Variants in CDH23 observed in about 807,000 individuals in gnomAD.
The protein encoded by CDH23 is cadherin related 23, also known as cadherin-23.
A neutral mutation model predicts 317.1 loss-of-function variants in CDH23; 189 were observed. That is an observed-to-expected ratio of 0.60 (90% CI 0.53 to 0.67). The LOEUF (loss-of-function observed/expected upper bound fraction) is 0.67, where lower values mean the gene tolerates loss of function less well. CDH23 is among the 30% of genes least tolerant of loss of function. The pLI, the probability that CDH23 is intolerant of heterozygous loss-of-function variation, is 0.00. For synonymous variants in CDH23, 1,839 were observed against 1,876.8 expected, an observed-to-expected ratio of 0.98 and a Z score of 0.52; for missense variants, 4,401 against 4,592.4, an observed-to-expected ratio of 0.96 and a Z score of 1.20.
chr10:71,525,811 GGCGTCCCTGCTTGGCTT>G (rs111409950), intron 6 of CDH23, among the ~76,000 whole-genome samples: 25,133 of 152,202 alleles, frequency 0.17, 2,364 homozygotes, highest in African/African-American at 0.25. Context: ...CAGAGAAAGA[GGCGTCCCTGCTTGGCTT>G]GCTACAGCAG....
In CDH23 at chr10:71,791,166, C is replaced by T. The variant is rs765521533; in HGVS notation, c.6084C>T (p.Asp2028=). The change falls in exon 47 of 70, where the codon GAC becomes GAT. Residue 2028 remains aspartate, a synonymous_variant. Coordinates refer to ENST00000224721, the MANE Select transcript of CDH23 (RefSeq NM_022124.6). ...VVTVRSGVII[D]REAFSPPILE... is the part of the protein sequence containing the mutation. Reference sequence around the variant, plus strand: ...CCGTGAGGTCAGGTGTCATCATTGACCGGGAGGCATTCTCGCCACCCATCC... The same window carrying T: ...CCGTGAGGTCAGGTGTCATCATTGATCGGGAGGCATTCTCGCCACCCATCC... The T allele has an allele frequency of 2.5e-6, 4 of 1,612,238 alleles. No individual in the cohort carries two copies. Among genetic ancestry groups the T allele is most frequent in the Non-Finnish European group, 3.4e-6 (4 of 1,179,316 alleles).
chr10:71,725,319 CAGG>C, intron 29 of CDH23, 50 bp from the exon 30 acceptor site: 6 of 1,612,540 alleles, frequency 3.7e-6, no homozygotes, highest in Non-Finnish European at 5.1e-6. Flanking sequence ...GCCAGCACAG[CAGG>C]AGACTTCTGG....
chr10:71,514,085 G>A (rs1434399190), intron 6 of CDH23, among the ~76,000 whole-genome samples: 5 of 152,034 alleles, frequency 3.3e-5, no homozygotes, highest in Non-Finnish European at 7.4e-5. Flanking sequence ...CTGCCTTGCT[G>A]AGAATGTGCT....
intron 20 of CDH23, among the ~76,000 whole-genome samples, chr10:71,691,767 G>A (rs1279538868): frequency 6.6e-6 from 1 of 152,188 alleles, no homozygotes; most frequent in Non-Finnish European, 1.5e-5. Context: ...GGTGGACACT[G>A]GCCATCCCTG....
intron 3 of CDH23, among the ~76,000 whole-genome samples, chr10:71,458,332 C>G (rs528245407): frequency 1.7e-4 from 26 of 152,368 alleles, no homozygotes; most frequent in African/African-American, 4.8e-4. Context: ...TTCCCTTCCT[C>G]CTTTCCACAT....
At chr10:71,653,803 G>A (rs894071168) in intron 14 of CDH23, among the ~76,000 whole-genome samples, 7 of 152,192 alleles carry the variant, frequency 4.6e-5, no homozygotes, top group Non-Finnish European at 8.8e-5. Flanking sequence ...GCTGTAGAGA[G>A]AATAATAATA....
intron 49 of CDH23, among the ~76,000 whole-genome samples, chr10:71,797,885 C>A (rs1841444990): frequency 6.6e-6 from 1 of 152,152 alleles, no homozygotes; most frequent in Non-Finnish European, 1.5e-5. Flanking sequence ...GTACAGACAG[C>A]TGCTATAGGG....
At chr10:71,418,397 T>C (rs1848619177) in intron 1 of CDH23, among the ~76,000 whole-genome samples, 1 of 152,178 alleles carries the variant, frequency 6.6e-6, no homozygotes, top group Non-Finnish European at 1.5e-5. Context: ...TAATGCTTCA[T>C]TTTCATCTAG....
At chr10:71,487,811 T>A (rs1044245232) in intron 3 of CDH23, among the ~76,000 whole-genome samples, 1 of 152,098 alleles carries the variant, frequency 6.6e-6, no homozygotes, top group Admixed American at 6.5e-5. Flanking sequence ...GGATAACCAG[T>A]CATCATCCTC....
At chr10:71,697,563 C>T (rs534341165) in intron 22 of CDH23, among the ~76,000 whole-genome samples, 1 of 152,088 alleles carries the variant, frequency 6.6e-6, no homozygotes, top group East Asian at 1.9e-4. Context: ...GTCCCAGATA[C>T]TCAGGAGGCT....
Position 71,700,815 on chromosome 10 carries a change from A to G in CDH23, c.2398-1207A>G, listed in dbSNP as rs114835060. ...CCCCAGGACCCATGGACAGGGGCAG[A>G]TGGGAGTTCTCAGCCAGGGCAGCTC... On this transcript the variant is annotated intron_variant, in intron 22 of 69. Transcript: ENST00000224721. Among the ~76,000 whole-genome samples the G allele has an allele frequency of 5.8e-3, 881 of 152,246 alleles. 11 individuals are homozygous for G. Among genetic ancestry groups the G allele is most frequent in the African/African-American group, 0.02 (831 of 41,550 alleles).
chr10:71,740,487 T>A (rs1839705340), intron 36 of CDH23, among the ~76,000 whole-genome samples: 1 of 152,104 alleles, frequency 6.6e-6, no homozygotes, highest in Admixed American at 6.5e-5. Flanking sequence ...AGGCCCAGGG[T>A]CATGGTCAAA....
chr10:71,533,432 A>G (rs1292870168), intron 6 of CDH23, among the ~76,000 whole-genome samples: 4 of 152,128 alleles, frequency 2.6e-5, no homozygotes, highest in Non-Finnish European at 5.9e-5. Flanking sequence ...GAAGACACAC[A>G]AATGAAACAC....
At chr10:71,495,827 A>AGGAAGGAAG (rs1564615543) in intron 3 of CDH23, among the ~76,000 whole-genome samples, 1 of 146,134 alleles carries the variant, frequency 6.8e-6, no homozygotes, top group African/African-American at 2.7e-5. Flanking sequence ...AAAAAAAGAA[A>AGGAAGGAAG]GAAAGAAAGA....
intron 3 of CDH23, 80 bp downstream of exon 3, chr10:71,446,475 G>T (rs187159287): frequency 5.8e-6 from 8 of 1,382,846 alleles, no homozygotes; most frequent in Non-Finnish European, 8.2e-6. Flanking sequence ...GATCTTACAG[G>T]TTGAGGTCAT....
intron 9 of CDH23, among the ~76,000 whole-genome samples, chr10:71,583,137 C>A (rs112228390): frequency 1.3e-5 from 2 of 151,522 alleles, no homozygotes; most frequent in African/African-American, 4.9e-5. Context: ...GAAAGAGGGG[C>A]GGACAGGCAG....
At chr10:71,689,458 G>C (rs1032759403) in intron 19 of CDH23, among the ~76,000 whole-genome samples, 2 of 152,106 alleles carry the variant, frequency 1.3e-5, no homozygotes, top group African/African-American at 4.8e-5. Context: ...CTTCACTATG[G>C]CACTTAATTC....
intron 3 of CDH23, among the ~76,000 whole-genome samples, chr10:71,484,188 G>A (rs796769605): frequency 4.6e-5 from 7 of 152,272 alleles, no homozygotes; most frequent in South Asian, 4.2e-4. Flanking sequence ...TCTCCACGTC[G>A]TCCTCATTAA....
At chr10:71,650,088 C>T (rs927372886) in intron 14 of CDH23, among the ~76,000 whole-genome samples, 3 of 152,194 alleles carry the variant, frequency 2.0e-5, no homozygotes. Context: ...GTGCTCTCTG[C>T]GGTATCCACA....
Sources: allele counts gnomAD v4.1 joint callset (sites outside exome capture counted in the v4.1 genomes callset), GRCh38; gene constraint gnomAD v4.1.1; transcripts MANE v1.5; gene names NCBI Gene and HGNC (gene_info 2026-07-23, HGNC 2026-07-21).